The following AFF2 variants were observed in gnomAD, a reference collection of about 807,000 sequenced individuals.
AFF2 encodes AF4/FMR2 family member 2.
In AFF2, 14 loss-of-function variants were observed where a neutral mutation model predicts 76.9. That is an observed-to-expected ratio of 0.18 (90% CI 0.12 to 0.28). AFF2 has a LOEUF of 0.28. Ranked by LOEUF, AFF2 falls within the 10% of genes least tolerant of loss-of-function variation. The probability of loss-of-function intolerance (pLI) is 1.00; values close to 1 mark genes in which losing one functional copy is unlikely to be tolerated. For missense variants in AFF2, 868 were observed against 1,001.1 expected, an observed-to-expected ratio of 0.87 and a Z score of 1.79; for synonymous variants, 398 against 366.7, an observed-to-expected ratio of 1.09 and a Z score of -0.98.
At chrX:148,602,724 A>G (rs2053637883) in intron 1 of AFF2, among the ~76,000 whole-genome samples, 2 of 110,465 alleles carry the variant, frequency 1.8e-5, no homozygotes, top group African/African-American at 3.3e-5. Flanking sequence ...AAGAGCTCCA[A>G]TTTTGCCATG....
intron 3 of AFF2, among the ~76,000 whole-genome samples, chrX:148,731,712 C>G (rs1437491568): frequency 1.1e-4 from 11 of 98,105 alleles, no homozygotes; most frequent in African/African-American, 2.8e-4. Flanking sequence ...ACAATGAACT[C>G]AAACAAATTT....
Position 148,913,217 on chromosome X carries a change from C to T in AFF2, c.1397+8959C>T, listed in dbSNP as rs1339732082. 6.2e-5 allele frequency among the ~76,000 whole-genome samples: 7 copies of T among 112,271 alleles called. No individual in the cohort carries two copies. In the Admixed American group the frequency reaches 6.6e-4, roughly 11 times the overall value. On this transcript the variant is annotated intron_variant, in intron 9 of 20. Coordinates refer to ENST00000370460, the MANE Select transcript of AFF2 (RefSeq NM_002025.4). ...GACCCAAAGAGCAAACTGCCCAGAA[C>T]CCCAAGTTTCCAGGAACTCTACAGT...
At chrX:148,545,327 T>C (rs782422969) in intron 1 of AFF2, among the ~76,000 whole-genome samples, 1 of 112,059 alleles carries the variant, frequency 8.9e-6, no homozygotes, top group Non-Finnish European at 1.9e-5. Context: ...GTACACTGTC[T>C]CACTTTGCTG....
intron 1 of AFF2, among the ~76,000 whole-genome samples, chrX:148,511,683 A>G (rs1013276420): frequency 8.9e-6 from 1 of 112,919 alleles, no homozygotes; most frequent in Non-Finnish European, 1.9e-5. Context: ...CCCATTTTAC[A>G]GACAAGAAAG....
At chrX:148,833,571 C>A (rs1274588361) in intron 4 of AFF2, among the ~76,000 whole-genome samples, 2 of 105,581 alleles carry the variant, frequency 1.9e-5, no homozygotes, top group African/African-American at 6.9e-5. Flanking sequence ...CACTGCACTC[C>A]AGCCTGGGTG....
At chrX:148,550,763 T>G (rs1235160103) in intron 1 of AFF2, among the ~76,000 whole-genome samples, 10 of 111,758 alleles carry the variant, frequency 8.9e-5, no homozygotes, top group African/African-American at 3.3e-4. Context: ...CAAAATGTAT[T>G]GCGTTAATGG....
At chrX:148,540,431 T>C (rs2052840043) in intron 1 of AFF2, among the ~76,000 whole-genome samples, 1 of 104,488 alleles carries the variant, frequency 9.6e-6, no homozygotes, top group Non-Finnish European at 2.0e-5. Context: ...TTTCATGTTC[T>C]CAGAATCTAA....
chrX:148,563,334 G>T (rs1182181599), intron 1 of AFF2, among the ~76,000 whole-genome samples: 2 of 111,811 alleles, frequency 1.8e-5, no homozygotes, highest in Non-Finnish European at 3.8e-5. Flanking sequence ...ATTTTAAAGG[G>T]GCACATTGGC....
At chrX:148,809,464 A>C (rs782793401) in intron 3 of AFF2, among the ~76,000 whole-genome samples, 2 of 112,488 alleles carry the variant, frequency 1.8e-5, no homozygotes, top group Non-Finnish European at 3.8e-5. Context: ...TTGGACTCCC[A>C]AGTTCAAAAA....
intron 1 of AFF2, among the ~76,000 whole-genome samples, chrX:148,527,428 C>G (rs1557235352): frequency 9.0e-6 from 1 of 111,314 alleles, no homozygotes; most frequent in Non-Finnish European, 1.9e-5. Flanking sequence ...GATCTTGGAC[C>G]CTTTCTTTCT....
In AFF2 at chrX:148,809,860, GTTTAT is replaced by G; in HGVS notation, c.1042-12_1042-8del. Reference sequence around the variant, plus strand: ...AAGTAGATTGTGCCTAATGTTTTCTGTTTATTTTGTTTCAGGTAAGCCTTCCCAGT... The same window carrying G: ...AAGTAGATTGTGCCTAATGTTTTCTGTTTGTTTCAGGTAAGCCTTCCCAGT... On this transcript the variant is annotated splice_polypyrimidine_tract_variant and intron_variant, in intron 3 of 20. Coordinates refer to ENST00000370460, the MANE Select transcript of AFF2 (RefSeq NM_002025.4). 8.3e-7 allele frequency: 1 copy of G among 1,208,056 alleles called. No homozygotes were observed. Among genetic ancestry groups the G allele is most frequent in the Non-Finnish European group, 1.1e-6 (1 of 892,573 alleles).
At chrX:148,820,006 C>T (rs2070309362) in intron 4 of AFF2, among the ~76,000 whole-genome samples, 1 of 111,473 alleles carries the variant, frequency 9.0e-6, no homozygotes, top group Non-Finnish European at 1.9e-5. Context: ...TTCACTAATA[C>T]CATAATGTCT....
chrX:148,507,683 T>C (rs1241446856), intron 1 of AFF2, among the ~76,000 whole-genome samples: 1 of 112,315 alleles, frequency 8.9e-6, no homozygotes, highest in Non-Finnish European at 1.9e-5. Context: ...TGTTACACTT[T>C]AATGAAATTT....
intron 8 of AFF2, among the ~76,000 whole-genome samples, chrX:148,901,562 C>T (rs782036249): frequency 2.7e-4 from 30 of 111,941 alleles, no homozygotes; most frequent in African/African-American, 9.7e-4. Context: ...TTTTAATTTT[C>T]CTCCTTTTGC....
chrX:148,637,590 A>G (rs2054044738), intron 1 of AFF2, among the ~76,000 whole-genome samples: 1 of 112,699 alleles, frequency 8.9e-6, no homozygotes, highest in South Asian at 3.6e-4. Flanking sequence ...AATTGCAGCC[A>G]TATTAAAAAG....
At chrX:148,726,720 T>C (rs1405503275) in intron 3 of AFF2, among the ~76,000 whole-genome samples, 2 of 111,977 alleles carry the variant, frequency 1.8e-5, no homozygotes, top group Admixed American at 1.9e-4. Context: ...GTGGCTTCCT[T>C]CTTAAGTTTT....
chrX:148,713,197 G>A lies in AFF2; in HGVS notation c.1041+50429G>A, dbSNP rs2054989265. Among the ~76,000 whole-genome samples, 3 of 111,287 alleles carry A rather than the reference G, an allele frequency of 2.7e-5. No individual in the cohort carries two copies. The East Asian group carries it at 8.6e-4, about 32-fold the overall frequency. ...ATGGCAGCAGATGAGACAGGGAGGG[G>A]AAGGTTGTTTCCATTTTGGGTAGGT... On this transcript the variant is annotated intron_variant, in intron 3 of 20. Transcript: ENST00000370460.
At chrX:148,555,178 C>T (rs2053038983) in intron 1 of AFF2, among the ~76,000 whole-genome samples, 1 of 111,973 alleles carries the variant, frequency 8.9e-6, no homozygotes, top group South Asian at 3.8e-4. Context: ...GCCCCTGACA[C>T]TCACATGTTG....
At chrX:148,668,824 A>G (rs1359960148) in intron 3 of AFF2, among the ~76,000 whole-genome samples, 3 of 111,773 alleles carry the variant, frequency 2.7e-5, no homozygotes, top group African/African-American at 9.8e-5. Flanking sequence ...CATTTTCCCT[A>G]TTGTCTTGAG....
Sources: allele counts gnomAD v4.1 joint callset (sites outside exome capture counted in the v4.1 genomes callset), GRCh38; gene constraint gnomAD v4.1.1; transcripts MANE v1.5; gene names NCBI Gene and HGNC (gene_info 2026-07-23, HGNC 2026-07-21).